TAS2R1: variants seen among roughly 807,000 people sequenced by gnomAD.
TAS2R1 encodes the protein taste receptor type 2 member 1.
For missense variants in TAS2R1, 370 were observed against 353.4 expected, an observed-to-expected ratio of 1.05 and a Z score of -0.38; for synonymous variants, 141 against 134.2, an observed-to-expected ratio of 1.05 and a Z score of -0.35.
the TAS2R1 span, chr5:9,902,657 C>G: frequency 6.6e-6 from 1 of 152,058 alleles, no homozygotes; most frequent in Non-Finnish European, 1.5e-5. Flanking sequence ...CTTACTGGAG[C>G]AGAAATCCAT....
chr5:9,657,428 T>A (rs1003584338), intron 2 of TAS2R1, among the ~76,000 whole-genome samples: 2 of 152,224 alleles, frequency 1.3e-5, no homozygotes, highest in African/African-American at 2.4e-5. Context: ...CGAGCTCTGA[T>A]TGCTTTGCTC....
intron 2 of TAS2R1, among the ~76,000 whole-genome samples, chr5:9,650,646 C>T (rs535266360): frequency 6.6e-6 from 1 of 151,962 alleles, no homozygotes; most frequent in Non-Finnish European, 1.5e-5. Flanking sequence ...GATTCATGAC[C>T]TCTCCTAATT....
intron 1 of TAS2R1, among the ~76,000 whole-genome samples, chr5:9,700,641 G>A (rs534093189): frequency 5.9e-5 from 9 of 152,198 alleles, no homozygotes; most frequent in African/African-American, 2.2e-4. Context: ...CAGATGGAGT[G>A]GCTTAAATTA....
the TAS2R1 span, among the ~76,000 whole-genome samples, chr5:9,831,453 A>G: frequency 6.6e-6 from 1 of 152,204 alleles, no homozygotes; most frequent in African/African-American, 2.4e-5. Context: ...AAATAACAGA[A>G]TACAGAAATA....
the TAS2R1 span, among the ~76,000 whole-genome samples, chr5:9,897,278 G>A: frequency 5.4e-3 from 823 of 152,124 alleles, 7 homozygotes; most frequent in African/African-American, 0.019. Context: ...GTGAAACCCC[G>A]TCTCTACTAA....
chr5:9,887,060 G>A, the TAS2R1 span, among the ~76,000 whole-genome samples: 1 of 152,114 alleles, frequency 6.6e-6, no homozygotes, highest in Admixed American at 6.6e-5. Context: ...AATAATATGT[G>A]TAGTCACTTA....
chr5:9,849,915 C>T, the TAS2R1 span, among the ~76,000 whole-genome samples: 2 of 152,186 alleles, frequency 1.3e-5, no homozygotes, highest in Non-Finnish European at 2.9e-5. Context: ...CTCTCCTAGA[C>T]CAAACACTCA....
At chr5:9,674,628 A>G (rs1230072393) in intron 1 of TAS2R1, among the ~76,000 whole-genome samples, 3 of 152,136 alleles carry the variant, frequency 2.0e-5, no homozygotes, top group African/African-American at 4.8e-5. Context: ...ATGTAATTGT[A>G]TTTAATTACA....
At chr5:9,827,173 A>G in the TAS2R1 span, among the ~76,000 whole-genome samples, 7 of 152,008 alleles carry the variant, frequency 4.6e-5, no homozygotes, top group Non-Finnish European at 8.8e-5. Flanking sequence ...TTCCTCCTCC[A>G]GTCTTCCTGG....
chr5:9,900,091 C>T, the TAS2R1 span, among the ~76,000 whole-genome samples: 1 of 152,186 alleles, frequency 6.6e-6, no homozygotes, highest in African/African-American at 2.4e-5. Context: ...CAGAAGTAGG[C>T]AGAATTCAGA....
intron 2 of TAS2R1, among the ~76,000 whole-genome samples, chr5:9,637,933 G>T (rs182585): frequency 0.95 from 144,180 of 152,276 alleles, 68,891 homozygotes; most frequent in Non-Finnish European, 1. Context: ...TTTTCAGAGA[G>T]TTCTTCTTGG....
At chr5:9,699,525 G>T (rs1206790400) in intron 1 of TAS2R1, among the ~76,000 whole-genome samples, 1 of 152,044 alleles carries the variant, frequency 6.6e-6, no homozygotes. Flanking sequence ...GTCAGATTCT[G>T]TCACCAAAAC....
chr5:9,746,036 T>A, the TAS2R1 span, among the ~76,000 whole-genome samples: 1 of 151,974 alleles, frequency 6.6e-6, no homozygotes, highest in Non-Finnish European at 1.5e-5. Context: ...AGGGCTACTA[T>A]CCAGAATCTA....
At chr5:9,866,750 T>C in the TAS2R1 span, among the ~76,000 whole-genome samples, 1 of 152,248 alleles carries the variant, frequency 6.6e-6, no homozygotes, top group African/African-American at 2.4e-5. Context: ...GCTTATAATC[T>C]TAACTTCTCA....
chr5:9,885,509 C>T, the TAS2R1 span, among the ~76,000 whole-genome samples: 1 of 152,176 alleles, frequency 6.6e-6, no homozygotes, highest in South Asian at 2.1e-4. Context: ...CTCTAATTGA[C>T]TCTGATCAAA....
At chr5:9,697,011 C>G (rs114994719) in intron 1 of TAS2R1, among the ~76,000 whole-genome samples, 1,893 of 150,976 alleles carry the variant, frequency 0.013, 39 homozygotes, top group African/African-American at 0.044. Context: ...GAAACTCCGT[C>G]TCAAAAAAAA....
the TAS2R1 span, among the ~76,000 whole-genome samples, chr5:9,761,182 A>G: frequency 1.3e-5 from 2 of 152,304 alleles, no homozygotes; most frequent in African/African-American, 4.8e-5. Flanking sequence ...CACCCAAATA[A>G]ATGGGCCTTG....
chr5:9,871,221 A>G, the TAS2R1 span, among the ~76,000 whole-genome samples: 2 of 152,216 alleles, frequency 1.3e-5, no homozygotes, highest in Non-Finnish European at 2.9e-5. Flanking sequence ...AAGAAAGCCA[A>G]TGAAAGATCC....
chr5:9,758,245 C>G, the TAS2R1 span, among the ~76,000 whole-genome samples: 1 of 152,038 alleles, frequency 6.6e-6, no homozygotes, highest in Non-Finnish European at 1.5e-5. Context: ...CCATAACAAC[C>G]TAATTTATTA....
Sources: gnomAD v4.1 joint callset for allele counts (sites outside exome capture counted in the v4.1 genomes callset) on GRCh38, gnomAD v4.1.1 for gene constraint, MANE v1.5 for transcripts, NCBI Gene and HGNC (gene_info 2026-07-23, HGNC 2026-07-21) for gene names.